Variants in TSHZ2 observed in about 807,000 individuals in gnomAD.
TSHZ2 encodes the protein teashirt homolog 2.
In TSHZ2, 21 loss-of-function variants were observed where a neutral mutation model predicts 74.4. That is an observed-to-expected ratio of 0.28 (90% CI 0.20 to 0.41). The LOEUF (loss-of-function observed/expected upper bound fraction) is 0.41, where lower values mean the gene tolerates loss of function less well. Among genes scored for constraint, TSHZ2 ranks in the 10% least tolerant of loss-of-function variants. The pLI, the probability that TSHZ2 is intolerant of heterozygous loss-of-function variation, is 1.00. For missense variants in TSHZ2, 1,244 were observed against 1,293.5 expected, an observed-to-expected ratio of 0.96 and a Z score of 0.59; for synonymous variants, 540 against 515.3, an observed-to-expected ratio of 1.05 and a Z score of -0.65.
chr20:53,025,476 T>G (rs1195210256), intron 1 of TSHZ2, among the ~76,000 whole-genome samples: 1 of 152,160 alleles, frequency 6.6e-6, no homozygotes, highest in African/African-American at 2.4e-5. Context: ...TCCAGTTGCA[T>G]AGGCACATTG....
At chr20:53,041,440 C>G (rs1459414428) in intron 1 of TSHZ2, among the ~76,000 whole-genome samples, 1 of 152,100 alleles carries the variant, frequency 6.6e-6, no homozygotes, top group African/African-American at 2.4e-5. Context: ...GTTGCTTTGC[C>G]CAGGGAATGC....
chr20:53,164,109 T>A lies in TSHZ2; in HGVS notation c.41-89390T>A, dbSNP rs191284982. Among the ~76,000 whole-genome samples, 21 of 152,322 alleles carry A rather than the reference T, an allele frequency of 1.4e-4. No homozygotes were observed. In the East Asian group the frequency reaches 3.9e-3, roughly 28 times the overall value. On this transcript the variant is annotated intron_variant, in intron 1 of 2. Coordinates refer to ENST00000371497, the MANE Select transcript of TSHZ2 (RefSeq NM_173485.6). The stretch of plus-strand genomic sequence containing the variant: ...TTTTGTACTATAAACACCACTGTGG[T>A]GAACATCTTTTTATGTAGAGCTTCT...
intron 1 of TSHZ2, among the ~76,000 whole-genome samples, chr20:53,011,045 G>A (rs2122998385): frequency 6.6e-6 from 1 of 152,276 alleles, no homozygotes; most frequent in South Asian, 2.1e-4. Flanking sequence ...AAATAAAAAA[G>A]TGAATATCAT....
At chr20:53,017,180 C>T (rs1489310350) in intron 1 of TSHZ2, among the ~76,000 whole-genome samples, 2 of 152,180 alleles carry the variant, frequency 1.3e-5, no homozygotes, top group African/African-American at 4.8e-5. Flanking sequence ...ATTTTCACAA[C>T]AGCTCTGTGG....
Position 53,040,850 on chromosome 20 carries a change from C to T in TSHZ2, c.40+67517C>T, listed in dbSNP as rs189320307. Among the ~76,000 whole-genome samples, 144 of 152,270 alleles carry T rather than the reference C, an allele frequency of 9.5e-4. 1 individual carries two copies. The highest frequency in any genetic ancestry group is 8.4e-3 in the Admixed American group (128 of 15,296). The stretch of plus-strand genomic sequence containing the variant: ...TTAGGCGCAGCATTTGCTCCCTCCC[C>T]GAGTTTGACACCCCACAGCCTGGCA... On this transcript the variant is annotated intron_variant, in intron 1 of 2. Coordinates refer to ENST00000371497, the MANE Select transcript of TSHZ2 (RefSeq NM_173485.6).
At chr20:52,980,693 T>A (rs190898855) in intron 1 of TSHZ2, among the ~76,000 whole-genome samples, 4 of 152,342 alleles carry the variant, frequency 2.6e-5, no homozygotes, top group Non-Finnish European at 5.9e-5. Context: ...CCATTCTATT[T>A]GTAATGAATT....
At chr20:53,206,093 C>A (rs1489633229) in intron 1 of TSHZ2, among the ~76,000 whole-genome samples, 1 of 152,090 alleles carries the variant, frequency 6.6e-6, no homozygotes. Context: ...GTGGCACGAG[C>A]CTGTAATCCC....
intron 1 of TSHZ2, among the ~76,000 whole-genome samples, chr20:53,189,603 C>T (rs923581692): frequency 1.3e-5 from 2 of 152,166 alleles, no homozygotes; most frequent in African/African-American, 4.8e-5. Context: ...ATATTAGTAT[C>T]CTCATCCTCA....
chr20:53,023,637 T>C (rs1281237718), intron 1 of TSHZ2, among the ~76,000 whole-genome samples: 1 of 22,620 alleles, frequency 4.4e-5, no homozygotes, highest in East Asian at 1.4e-3. Context: ...TTTTGCTTTT[T>C]GTTTTTTATG....
intron 2 of TSHZ2, among the ~76,000 whole-genome samples, chr20:53,350,617 A>G (rs1234291434): frequency 1.3e-5 from 2 of 152,224 alleles, no homozygotes; most frequent in Non-Finnish European, 2.9e-5. Context: ...TCATTCTTAC[A>G]TAGCCTCCAT....
At chr20:53,265,224 C>A (rs1302448874) in intron 2 of TSHZ2, among the ~76,000 whole-genome samples, 1 of 152,066 alleles carries the variant, frequency 6.6e-6, no homozygotes, top group Non-Finnish European at 1.5e-5. Flanking sequence ...CTTCACATAT[C>A]CAAAGAAAGT....
intron 1 of TSHZ2, among the ~76,000 whole-genome samples, chr20:52,979,901 A>G (rs1981497637): frequency 6.6e-6 from 1 of 152,196 alleles, no homozygotes; most frequent in East Asian, 1.9e-4. Context: ...GAGAAATTAC[A>G]TGGGGGGAAG....
chr20:53,187,935 G>A (rs550904675), intron 1 of TSHZ2, among the ~76,000 whole-genome samples: 4 of 152,106 alleles, frequency 2.6e-5, no homozygotes, highest in East Asian at 1.9e-4. Flanking sequence ...TAAACCACCC[G>A]CCTCCTGGTA....
At chr20:53,313,566 A>G (rs1978875989) in intron 2 of TSHZ2, among the ~76,000 whole-genome samples, 1 of 152,156 alleles carries the variant, frequency 6.6e-6, no homozygotes, top group Non-Finnish European at 1.5e-5. Context: ...CAGTGCTCTC[A>G]TTATACCTAA....
rs1247775628 is a variant in TSHZ2 at position 53,245,639 on chromosome 20, T to G, written c.41-7860T>G. Among the ~76,000 whole-genome samples the G allele has an allele frequency of 3.9e-5, 6 of 152,250 alleles. No individual in the cohort carries two copies. The East Asian group carries it at 1.2e-3, about 29-fold the overall frequency. On this transcript the variant is annotated intron_variant, in intron 1 of 2. Transcript: ENST00000371497. ...TCCTCTAGAGACCTTGTTAAATGATTTCTATTCTGTAGGCTTGGGGTGGGG... is the reference window on the plus strand; with the variant it reads ...TCCTCTAGAGACCTTGTTAAATGATGTCTATTCTGTAGGCTTGGGGTGGGG...
chr20:53,052,490 C>T (rs1214880391), intron 1 of TSHZ2, among the ~76,000 whole-genome samples: 1 of 152,178 alleles, frequency 6.6e-6, no homozygotes, highest in African/African-American at 2.4e-5. Flanking sequence ...TCATCCCAAA[C>T]CTCCTTCCTC....
At chr20:53,044,713 CTTTG>C (rs920047760) in intron 1 of TSHZ2, among the ~76,000 whole-genome samples, 30 of 152,262 alleles carry the variant, frequency 2.0e-4, no homozygotes, top group South Asian at 2.1e-4. Flanking sequence ...TGCTTTCTTT[CTTTG>C]TTTGTTTTTA....
intron 1 of TSHZ2, among the ~76,000 whole-genome samples, chr20:53,004,749 C>G (rs924004251): frequency 6.6e-6 from 1 of 152,000 alleles, no homozygotes; most frequent in South Asian, 2.1e-4. Flanking sequence ...AAAGTCAGAC[C>G]CTCAGGTTTA....
intron 1 of TSHZ2, among the ~76,000 whole-genome samples, chr20:53,234,188 G>A (rs1989888436): frequency 6.6e-6 from 1 of 152,224 alleles, no homozygotes; most frequent in Non-Finnish European, 1.5e-5. Flanking sequence ...TGGGAAGCAA[G>A]ACTAGTCCCT....
Sources: allele counts gnomAD v4.1 joint callset (sites outside exome capture counted in the v4.1 genomes callset), GRCh38; gene constraint gnomAD v4.1.1; transcripts MANE v1.5; gene names NCBI Gene and HGNC (gene_info 2026-07-23, HGNC 2026-07-21).